Variants in PPP1R16B observed in about 807,000 individuals in gnomAD.
PPP1R16B encodes the protein protein phosphatase 1 regulatory subunit 16B.
A neutral mutation model predicts 61.7 loss-of-function variants in PPP1R16B; 14 were observed. The ratio of observed to expected loss-of-function variants is 0.23; its 90% CI spans 0.15 to 0.35. PPP1R16B has a LOEUF of 0.35. PPP1R16B is among the 10% of genes least tolerant of loss of function. PPP1R16B has a pLI of 1.00. For synonymous variants in PPP1R16B, 266 were observed against 305.3 expected (o/e 0.87, Z 1.34); for missense variants, 547 against 752.5 (o/e 0.73, Z 3.19).
At chr20:38,810,597 TTCTCA>T in intron 1 of PPP1R16B, among the ~76,000 whole-genome samples, 1 of 152,204 alleles carries the variant, frequency 6.6e-6, no homozygotes, top group Non-Finnish European at 1.5e-5. Context: ...GGGACTCAGT[TTCTCA>T]CCTGAGAGAA....
intron 2 of PPP1R16B, among the ~76,000 whole-genome samples, chr20:38,855,962 A>C (rs2085004533): frequency 8.9e-6 from 1 of 111,944 alleles, no homozygotes; most frequent in Non-Finnish European, 1.8e-5. Context: ...AGAGAGAGAG[A>C]GAGAGAGAGA....
intron 10 of PPP1R16B, among the ~76,000 whole-genome samples, chr20:38,913,042 G>T (rs1215903606): frequency 6.6e-6 from 1 of 151,788 alleles, no homozygotes; most frequent in African/African-American, 2.4e-5. Flanking sequence ...GCTAATTTTT[G>T]TGTTTTTTGG....
chr20:38,810,374 C>G (rs907205598), intron 1 of PPP1R16B, among the ~76,000 whole-genome samples: 1 of 152,232 alleles, frequency 6.6e-6, no homozygotes, highest in Non-Finnish European at 1.5e-5. Context: ...GGCAGTCCCT[C>G]TGCACCTTCC....
chr20:38,810,474 C>G (rs968202908), intron 1 of PPP1R16B, among the ~76,000 whole-genome samples: 2 of 152,202 alleles, frequency 1.3e-5, no homozygotes, highest in African/African-American at 4.8e-5. Context: ...CTCAACTATC[C>G]ATACATTCAC....
At chr20:38,888,850 G>T (rs903764005) in intron 2 of PPP1R16B, among the ~76,000 whole-genome samples, 4 of 137,484 alleles carry the variant, frequency 2.9e-5, no homozygotes, top group Non-Finnish European at 4.6e-5. Flanking sequence ...GTTCACTCTG[G>T]CCTCCCTGCC....
At chr20:38,861,064 C>T (rs565902616) in intron 2 of PPP1R16B, among the ~76,000 whole-genome samples, 2 of 152,270 alleles carry the variant, frequency 1.3e-5, no homozygotes, top group South Asian at 4.1e-4. Context: ...CCCTTTTATG[C>T]CCTTCACCAT....
chr20:38,897,174 G>A (rs2085356178), intron 4 of PPP1R16B, among the ~76,000 whole-genome samples: 2 of 151,748 alleles, frequency 1.3e-5, no homozygotes. Flanking sequence ...AATGAAAAGT[G>A]GATTCAGCTG....
intron 1 of PPP1R16B, among the ~76,000 whole-genome samples, chr20:38,813,740 T>A (rs1427381946): frequency 6.7e-6 from 1 of 150,224 alleles, no homozygotes; most frequent in Non-Finnish European, 1.5e-5. Flanking sequence ...TCCTAACAAC[T>A]CTAAGGGGTG....
intron 4 of PPP1R16B, among the ~76,000 whole-genome samples, chr20:38,897,194 G>A (rs1308686138): frequency 6.6e-6 from 1 of 152,136 alleles, no homozygotes; most frequent in Non-Finnish European, 1.5e-5. Flanking sequence ...GGGTGTGGTG[G>A]CTCACGCCTG....
At chr20:38,911,667 G>A (rs2085491521) in intron 10 of PPP1R16B, among the ~76,000 whole-genome samples, 1 of 151,980 alleles carries the variant, frequency 6.6e-6, no homozygotes. Context: ...CTCCTGAGTA[G>A]CTGGGATTAC....
At position 38,806,275 on chromosome 20, in the gene PPP1R16B, G is replaced by A. The variant is rs1225809453; in HGVS notation, c.-102+483G>A. On this transcript the variant is annotated intron_variant, in intron 1 of 10. Transcript: ENST00000299824. The surrounding 1 kb of genome is among the most constrained non-coding windows in gnomAD (Gnocchi z 4.5). ...CGCGTGGCGGGGCTTGGTCCTGGCG[G>A]GCAGCGGCAGGGCGCAGAGAGCGCT... is the stretch of plus-strand genomic sequence containing the variant. Among the ~76,000 whole-genome samples, 1 of 152,094 alleles carries A rather than the reference G, an allele frequency of 6.6e-6. No homozygotes were observed. Among genetic ancestry groups the A allele is most frequent in the Non-Finnish European group, 1.5e-5 (1 of 67,988 alleles).
rs532346523 is a variant in PPP1R16B, at chr20:38,867,633, T to A, written c.251-21962T>A. On this transcript the variant is annotated intron_variant, in intron 2 of 10. Transcript: ENST00000299824. ...GTTAGTTGTCCAAAATGTGTTAGCATTTCCAAAATGTGTTAGCTGTCAGCT... is the reference window on the plus strand; with the variant it reads ...GTTAGTTGTCCAAAATGTGTTAGCAATTCCAAAATGTGTTAGCTGTCAGCT... Among the ~76,000 whole-genome samples, 7 of 152,316 alleles carry A rather than the reference T, an allele frequency of 4.6e-5. No homozygotes were observed. The East Asian group carries it at 1.4e-3, about 29-fold the overall frequency.
chr20:38,824,760 C>T (rs1259241500), intron 1 of PPP1R16B, among the ~76,000 whole-genome samples: 9 of 152,252 alleles, frequency 5.9e-5, no homozygotes, highest in African/African-American at 1.7e-4. Flanking sequence ...CTGGGCATGG[C>T]GGCCACGCCT....
rs369085017 is a variant in PPP1R16B at position 38,867,017 on chromosome 20, G to A, written c.251-22578G>A. 7.2e-5 allele frequency among the ~76,000 whole-genome samples: 11 copies of A among 152,178 alleles called. No homozygotes were observed. The East Asian group carries it at 9.6e-4, about 13-fold the overall frequency. On this transcript the variant is annotated intron_variant, in intron 2 of 10. Transcript: ENST00000299824. Reference sequence around the variant, plus strand: ...TATTTCATATAATATGTGACTTTTCGTGTCTGGCTTCTTTCACTTGGCGTA... The same window carrying A: ...TATTTCATATAATATGTGACTTTTCATGTCTGGCTTCTTTCACTTGGCGTA...
chr20:38,866,826 CT>C (rs2085093891), intron 2 of PPP1R16B, among the ~76,000 whole-genome samples: 1 of 152,116 alleles, frequency 6.6e-6, no homozygotes, highest in Non-Finnish European at 1.5e-5. Flanking sequence ...ATTTAAGTAC[CT>C]TCACAAAGCT....
intron 2 of PPP1R16B, among the ~76,000 whole-genome samples, chr20:38,854,412 ATGT>A (rs1198684121): frequency 6.6e-6 from 1 of 152,242 alleles, no homozygotes; most frequent in South Asian, 2.1e-4. Context: ...GTCTGGATTG[ATGT>A]TGTAACAGAA....
chr20:38,895,892 TC>T lies in PPP1R16B; in HGVS notation c.467+185del, dbSNP rs1568678945. On this transcript the variant is annotated intron_variant, in intron 4 of 10. Transcript: ENST00000299824. Reference sequence around the variant, plus strand: ...CCTCCCTCCTTCCTTCTTTCTTCCCTCCCTCCCTCCTTCCTTCTTTCTTCCC... The same window carrying T: ...CCTCCCTCCTTCCTTCTTTCTTCCCTCCTCCCTCCTTCCTTCTTTCTTCCC... Among the ~76,000 whole-genome samples, 107 of 95,950 alleles carry T rather than the reference TC, an allele frequency of 1.1e-3. 6 individuals carry two copies. The highest frequency in any genetic ancestry group is 1.9e-3 in the Non-Finnish European group (90 of 48,250). The allele number at this position is 95,950 out of a possible 152,430, so 62.9% of individuals were successfully genotyped here. A position where few individuals can be genotyped will look rare whatever the true frequency, so the allele number is the denominator to read the frequency against.
At chr20:38,912,247 CT>C (rs1464932294) in intron 10 of PPP1R16B, among the ~76,000 whole-genome samples, 3 of 151,864 alleles carry the variant, frequency 2.0e-5, no homozygotes, top group Non-Finnish European at 4.4e-5. Context: ...TTACAGGCAC[CT>C]GCCACCATGC....
chr20:38,855,960 A>AGG (rs2085004505), intron 2 of PPP1R16B, among the ~76,000 whole-genome samples: 1 of 30,878 alleles, frequency 3.2e-5, no homozygotes, highest in Non-Finnish European at 5.6e-5. Context: ...AGAGAGAGAG[A>AGG]GAGAGAGAGA....
Sources: allele counts gnomAD v4.1 joint callset (sites outside exome capture counted in the v4.1 genomes callset), GRCh38; gene constraint gnomAD v4.1.1; non-coding constraint Gnocchi (gnomAD v3.1); transcripts MANE v1.5; gene names NCBI Gene and HGNC (gene_info 2026-07-23, HGNC 2026-07-21).